SZT2: variants seen among roughly 807,000 people sequenced by gnomAD.
The protein encoded by SZT2 is SZT2 subunit of KICSTOR complex.
A neutral mutation model predicts 404.2 loss-of-function variants in SZT2; 216 were observed. The ratio of observed to expected loss-of-function variants is 0.53; its 90% CI spans 0.48 to 0.60. SZT2 has a LOEUF of 0.60. Among genes scored for constraint, SZT2 ranks in the 20% least tolerant of loss-of-function variants. The probability of loss-of-function intolerance (pLI) is 0.00; values close to 1 mark genes in which losing one functional copy is unlikely to be tolerated. For synonymous variants in SZT2, 1,693 were observed against 1,749.9 expected (o/e 0.97, Z 0.81); for missense variants, 3,857 against 4,459.2 (o/e 0.86, Z 3.85).
intron 1 of SZT2, among the ~76,000 whole-genome samples, chr1:43,395,175 C>A (rs928138576): frequency 5.9e-5 from 9 of 152,208 alleles, no homozygotes; most frequent in African/African-American, 2.2e-4. Flanking sequence ...AGTCTGTGCC[C>A]TCTGTCTCGT....
intron 33 of SZT2, 85 bp from the exon 34 acceptor site, chr1:43,431,180 C>A (rs1166123314): frequency 4.5e-6 from 7 of 1,566,438 alleles, no homozygotes; most frequent in Non-Finnish European, 6.1e-6. Context: ...ACTAAGGAGA[C>A]CTTGAGGAGT....
chr1:43,397,150 G>C (rs912841009), intron 1 of SZT2, among the ~76,000 whole-genome samples: 3 of 152,152 alleles, frequency 2.0e-5, no homozygotes, highest in Admixed American at 6.5e-5. Flanking sequence ...ACAATGTATA[G>C]GCCAGGTGTG....
In SZT2 at chr1:43,416,009, G is replaced by GTC; in HGVS notation, c.680_681insTC (p.Val228ProfsTer5). The GTC allele has an allele frequency of 2.5e-6, 4 of 1,598,276 alleles. No homozygotes were observed. Among genetic ancestry groups the GTC allele is most frequent in the Non-Finnish European group, 3.4e-6 (4 of 1,179,748 alleles). The stretch of plus-strand genomic sequence containing the variant: ...GGGGACCTACTGGGCCGGAAGGTAG[G>GTC]CGTCTCCATGGTGACAGCTGATCTT... On this transcript the variant is annotated frameshift_variant, in exon 6 of 72. Coordinates refer to ENST00000634258, the MANE Select transcript of SZT2 (RefSeq NM_001365999.1). LOFTEE classifies it high-confidence loss of function.
chr1:43,403,097 A>G, intron 1 of SZT2, 80 bp from the exon 2 acceptor site: 2 of 1,514,686 alleles, frequency 1.3e-6, no homozygotes, highest in Non-Finnish European at 1.8e-6. Flanking sequence ...TCCTTGGGCA[A>G]ATTATTTGGA....
Position 43,423,210 on chromosome 1 carries a change from G to C in SZT2, c.2149G>C (p.Gly717Arg). The change falls in exon 15 of 72, where the codon GGC becomes CGC. Residue 717 changes from glycine to arginine, a missense_variant. This residue lies in a region of SZT2 where 1,725 missense variants were observed against 1,881.0 expected (regional missense o/e 0.92). Coordinates refer to ENST00000634258, the MANE Select transcript of SZT2 (RefSeq NM_001365999.1). ...KRKGLGGAGGGSSPSKSPPVL... is the reference protein window; with the variant it reads ...KRKGLGGAGGRSSPSKSPPVL... ...AAAAGGGCTAGGGGGTGCTGGTGGG[G>C]GCAGCTCTCCCTCCAAGTCACCCCC... 5 of 1,597,198 alleles carry C rather than the reference G, an allele frequency of 3.1e-6. No homozygotes were observed. The highest frequency in any genetic ancestry group is 4.2e-6 in the Non-Finnish European group (5 of 1,179,126).
At position 43,453,858 on chromosome 1, in the gene SZT2, CGGCG is replaced by C; in HGVS notation, c.*3385_*3388del. 1 of 932,818 alleles carries C rather than the reference CGGCG, an allele frequency of 1.1e-6. No homozygotes were observed. The allele number at this position is 932,818 out of a possible 1,614,324, so 57.8% of individuals were successfully genotyped here. A position where few individuals can be genotyped will look rare whatever the true frequency, so the allele number is the denominator to read the frequency against. On this transcript the variant is annotated 3_prime_UTR_variant, in exon 72 of 72. Coordinates refer to ENST00000634258, the MANE Select transcript of SZT2 (RefSeq NM_001365999.1). ...AAGGCGGCGGGCGGCGGGCGGCGGGCGGCGGGCGGGGGCGGGGCTCTCCTTGCTG... is the reference window on the plus strand; with the variant it reads ...AAGGCGGCGGGCGGCGGGCGGCGGGCGGCGGGGGCGGGGCTCTCCTTGCTG...
Position 43,447,527 on chromosome 1 carries a change from C to T in SZT2, c.9287-18C>T. 6.2e-7 allele frequency: 1 copy of T among 1,612,356 alleles called. No homozygotes were observed. Among genetic ancestry groups the T allele is most frequent in the Non-Finnish European group, 8.5e-7 (1 of 1,179,148 alleles). On this transcript the variant is annotated intron_variant, in intron 66 of 71. Coordinates refer to ENST00000634258, the MANE Select transcript of SZT2 (RefSeq NM_001365999.1). ...TCCTAGGCTTAGTGTCTGCTGTCTC[C>T]TGTTACTTATCCCTCAGGGACATTG...
In SZT2 at chr1:43,425,917, G is replaced by T; in HGVS notation, c.2897G>T (p.Gly966Val). The T allele has an allele frequency of 6.2e-7, 1 of 1,614,152 alleles. No homozygotes were observed. The highest frequency in any genetic ancestry group is 8.5e-7 in the Non-Finnish European group (1 of 1,180,022). ...CAGCTGTGTCAGAGCAAGGAATGGG[G>T]TCCTCTGCCCCCAGAGCCGAGGGTC... ...LIQLCQSKEW[G>V]PLPPEPRVSD... The change falls in exon 20 of 72, where the codon GGT becomes GTT. Residue 966 changes from glycine to valine, a missense_variant. Gly to Val is a moderately radical substitution (Grantham distance 109). This residue lies in a region of SZT2 where 1,725 missense variants were observed against 1,881.0 expected (regional missense o/e 0.92). Coordinates refer to ENST00000634258, the MANE Select transcript of SZT2 (RefSeq NM_001365999.1). The surrounding 1 kb of genome is among the most constrained non-coding windows in gnomAD (Gnocchi z 4.3).
rs1651675849 is a variant in SZT2 at position 43,415,988 on chromosome 1, A to T, written c.659A>T (p.Asp220Val). Residue 220 changes from aspartate to valine, a missense_variant, in exon 6 of 72, where the codon GAC (aspartate) becomes GTC (valine). Coordinates refer to ENST00000634258, the MANE Select transcript of SZT2 (RefSeq NM_001365999.1). ...GAAGACCAGTCCCCAGACTCAGGGG[A>T]CCTACTGGGCCGGAAGGTAGGCGTC... ...QAEDQSPDSG[D>V]LLGRKVGVSM... The T allele has an allele frequency of 6.3e-7, 1 of 1,597,820 alleles. No homozygotes were observed. The highest frequency in any genetic ancestry group is 1.1e-5 in the South Asian group (1 of 90,966).
chr1:43,437,416 C>G lies in SZT2; in HGVS notation c.6198C>G (p.Ala2066=), dbSNP rs745853676. 1 of 1,614,064 alleles carries G rather than the reference C, an allele frequency of 6.2e-7. No homozygotes were observed. The highest frequency in any genetic ancestry group is 8.5e-7 in the Non-Finnish European group (1 of 1,180,002). The change falls in exon 44 of 72, where the codon GCC becomes GCG. Residue 2066 remains alanine, a synonymous_variant. Coordinates refer to ENST00000634258, the MANE Select transcript of SZT2 (RefSeq NM_001365999.1). This position sits in a 1 kb window ranked among gnomAD's most constrained non-coding sequence, Gnocchi z 5.3. ...ATGTTATTCCCCCAGCCATCCAGGC[C>G]CTGCGCTCTGTGCTCAATGCCTTCT... ...PSMGVSRAIQ[A]LRSVLNAFSV...
chr1:43,426,422 T>C lies in SZT2; in HGVS notation c.3098T>C (p.Leu1033Pro), dbSNP rs1653152490. The change falls in exon 22 of 72, where the codon CTG (leucine) becomes CCG (proline). Residue 1033 changes from leucine (L) to proline (P), a missense_variant. Around this residue, in one of 7 missense-constraint regions of SZT2, gnomAD observed 1,725 missense variants for 1,881.0 expected, o/e 0.92. Transcript: ENST00000634258. The surrounding 1 kb of genome is among the most constrained non-coding windows in gnomAD (Gnocchi z 4.9). ...EGSCPANDMVLCLLHSCLGQE... is the reference protein window; with the variant it reads ...EGSCPANDMVPCLLHSCLGQE... ...TCCTGTCCTGCCAACGACATGGTGCTGTGCCTGCTGCACAGCTGCCTGGGG... is the reference window on the plus strand; with the variant it reads ...TCCTGTCCTGCCAACGACATGGTGCCGTGCCTGCTGCACAGCTGCCTGGGG... 1 of 1,594,216 alleles carries C rather than the reference T, an allele frequency of 6.3e-7. No individual in the cohort carries two copies.
rs1205236170 is a variant in SZT2, at chr1:43,426,029, C to G, written c.2930-9C>G. 2 of 1,613,786 alleles carry G rather than the reference C, an allele frequency of 1.2e-6. No homozygotes were observed. Among genetic ancestry groups the G allele is most frequent in the African/African-American group, 1.3e-5 (1 of 74,886 alleles). ...CGTCTCACTGTGTCCTGTCCTTCCT[C>G]CCTCGTAGGATTGGATCAGGGAGGA... On this transcript the variant is annotated splice_polypyrimidine_tract_variant and intron_variant, in intron 20 of 71. Transcript: ENST00000634258. This position sits in a 1 kb window ranked among gnomAD's most constrained non-coding sequence, Gnocchi z 4.9.
In SZT2 at chr1:43,430,716, G is replaced by C; in HGVS notation, c.4701G>C (p.Leu1567=). The C allele has an allele frequency of 6.2e-7, 1 of 1,613,604 alleles. No homozygotes were observed. ...TTCATGACCTGCCACCGCTCTTCCT[G>C]CACCTCACGTGCTCCGTGCGGCTAC... The part of the protein sequence containing the change: ...SFLHDLPPLF[L]HLTCSVRLRG... Residue 1567 remains leucine, a synonymous_variant, in exon 32 of 72, where the codon CTG becomes CTC. Transcript: ENST00000634258.
At chr1:43,443,532 C>T in intron 61 of SZT2, 55 bp downstream of exon 61, 1 of 1,613,436 alleles carries the variant, frequency 6.2e-7, no homozygotes, top group Admixed American at 1.7e-5. Context: ...CAGTGACCCC[C>T]CTCCTCCATC....
rs555914832 is a variant in SZT2 at position 43,453,862 on chromosome 1, G to A, written c.*3382G>A. ...CGGCGGGCGGCGGGCGGCGGGCGGC[G>A]GGCGGGGGCGGGGCTCTCCTTGCTG... On this transcript the variant is annotated 3_prime_UTR_variant, in exon 72 of 72. Coordinates refer to ENST00000634258, the MANE Select transcript of SZT2 (RefSeq NM_001365999.1). 1.6e-4 allele frequency: 201 copies of A among 1,226,110 alleles called. No homozygotes were observed. In the African/African-American group the frequency reaches 3.0e-3, roughly 19 times the overall value. 76.0% of individuals were successfully genotyped at this position (1,226,110 alleles called of 1,614,324 possible).
chr1:43,438,855 T>C (rs1229490519), intron 47 of SZT2, 38 bp downstream of exon 47: 2 of 1,611,510 alleles, frequency 1.2e-6, no homozygotes, highest in Non-Finnish European at 8.5e-7. Flanking sequence ...CTTCCCAGAC[T>C]CAGCCACAGG....
rs1570703592 is a variant in SZT2 at position 43,439,238 on chromosome 1, C to T, written c.6793-120C>T. On this transcript the variant is annotated intron_variant, in intron 48 of 71. Transcript: ENST00000634258. This position sits in a 1 kb window ranked among gnomAD's most constrained non-coding sequence, Gnocchi z 4.2. ...TGCCCCCCCGGGGACCATTATTACCCGCCTGTGTCTTCTCATGCTCCCATA... is the reference window on the plus strand; with the variant it reads ...TGCCCCCCCGGGGACCATTATTACCTGCCTGTGTCTTCTCATGCTCCCATA... 1.1e-5 allele frequency: 16 copies of T among 1,515,588 alleles called. No individual in the cohort carries two copies. The highest frequency in any genetic ancestry group is 4.5e-5 in the East Asian group (2 of 44,308). 93.9% of individuals were successfully genotyped at this position (1,515,588 alleles called of 1,614,324 possible).
chr1:43,409,452 C>T, intron 4 of SZT2: 1 of 384,144 alleles, frequency 2.6e-6, no homozygotes, highest in Non-Finnish European at 5.0e-6. Flanking sequence ...AAAGAAAGGT[C>T]ATCCAAACTG....
At chr1:43,403,823 G>A in intron 3 of SZT2, 49 bp downstream of exon 3, 1 of 1,594,604 alleles carries the variant, frequency 6.3e-7, no homozygotes, top group Non-Finnish European at 8.6e-7. Context: ...GGTGGGGTGT[G>A]AGGAGAGGGA....
Sources: gnomAD v4.1 joint callset for allele counts (sites outside exome capture counted in the v4.1 genomes callset) on GRCh38, gnomAD v4.1.1 for gene constraint, gnomAD v4.1.1 regional missense constraint, Gnocchi (gnomAD v3.1) non-coding constraint, MANE v1.5 for transcripts, NCBI Gene and HGNC (gene_info 2026-07-23, HGNC 2026-07-21) for gene names.